KLHL1: variants seen among roughly 807,000 people sequenced by gnomAD.
KLHL1 encodes kelch-like protein 1.
Under a neutral mutation model 77.7 loss-of-function variants are expected in KLHL1, and 47 were observed. That is an observed-to-expected ratio of 0.60 (90% CI 0.48 to 0.77). The LOEUF is 0.77. Among genes scored for constraint, KLHL1 ranks in the 30% least tolerant of loss-of-function variants. The pLI is 0.00. For synonymous variants in KLHL1, 360 were observed against 325.2 expected (o/e 1.11, Z -1.15); for missense variants, 925 against 910.8 (o/e 1.02, Z -0.20).
In KLHL1 at chr13:70,092,179, T is replaced by C. The variant is rs150056694; in HGVS notation, c.497+15024A>G. On this transcript the variant is annotated intron_variant, in intron 1 of 10. Coordinates refer to ENST00000377844, the MANE Select transcript of KLHL1 (RefSeq NM_020866.3). ...TTGAGCAGAGGACACAACTCCTTGC[T>C]CATGGAAACAGAAATAATGTGTTTG... Among the ~76,000 whole-genome samples, 285 of 152,312 alleles carry C rather than the reference T, an allele frequency of 1.9e-3. 1 individual carries two copies. The highest frequency in any genetic ancestry group is 6.8e-3 in the Middle Eastern group (2 of 294).
At chr13:70,039,540 A>G (rs761526378) in intron 1 of KLHL1, among the ~76,000 whole-genome samples, 3 of 152,004 alleles carry the variant, frequency 2.0e-5, no homozygotes, top group African/African-American at 7.2e-5. Flanking sequence ...AATCTTTTTC[A>G]AACGGCAAAA....
rs1364195236 is a variant in KLHL1, at chr13:69,701,762, C to A, written c.2188-1G>T. 1 of 1,602,822 alleles carries A rather than the reference C, an allele frequency of 6.2e-7. No individual in the cohort carries two copies. ...CTCTCCCAATATTCAAGGAAGCCAT[C>A]TGTTAAAAAAGATGAAACACAACTT... On this transcript the variant is annotated splice_acceptor_variant, in intron 10 of 10. Coordinates refer to ENST00000377844, the MANE Select transcript of KLHL1 (RefSeq NM_020866.3). LOFTEE classifies it high-confidence loss of function.
At chr13:69,706,496 T>G (rs1327895011) in intron 10 of KLHL1, among the ~76,000 whole-genome samples, 2 of 152,030 alleles carry the variant, frequency 1.3e-5, no homozygotes, top group East Asian at 3.9e-4. Context: ...TTAAAACAAA[T>G]GTACTTTAAT....
chr13:69,974,842 A>T (rs1884496814), intron 2 of KLHL1, among the ~76,000 whole-genome samples: 1 of 152,056 alleles, frequency 6.6e-6, no homozygotes, highest in Admixed American at 6.6e-5. Flanking sequence ...AATGACTGTG[A>T]ATTCTCTTGC....
intron 7 of KLHL1, among the ~76,000 whole-genome samples, chr13:69,789,015 G>T (rs997364341): frequency 7.3e-6 from 1 of 136,382 alleles, no homozygotes; most frequent in Admixed American, 8.0e-5. Context: ...GACTCCACAG[G>T]ACTCTATCTA....
chr13:70,070,036 C>T (rs539937897), intron 1 of KLHL1, among the ~76,000 whole-genome samples: 3 of 151,470 alleles, frequency 2.0e-5, no homozygotes, highest in East Asian at 3.9e-4. Flanking sequence ...GGTGTGGTGG[C>T]GGGCACCTGT....
Position 69,806,780 on chromosome 13 carries a change from A to T in KLHL1, c.1415-9818T>A, listed in dbSNP as rs182374677. ...CTCAGAGGCATTTGAGCCTGGAGTA[A>T]CCTCAGTGGGAAGCCATTTTGAGAG... is the stretch of plus-strand genomic sequence containing the variant. On this transcript the variant is annotated intron_variant, in intron 6 of 10. Transcript: ENST00000377844. Among the ~76,000 whole-genome samples, 640 of 152,296 alleles carry T rather than the reference A, an allele frequency of 4.2e-3. 6 individuals are homozygous for T. The highest frequency in any genetic ancestry group is 5.9e-3 in the Non-Finnish European group (399 of 68,020).
chr13:69,880,713 CGAG>C, intron 5 of KLHL1, among the ~76,000 whole-genome samples: 1 of 152,140 alleles, frequency 6.6e-6, no homozygotes, highest in African/African-American at 2.4e-5. Flanking sequence ...GAGTTGGAAA[CGAG>C]GGCATAAAAG....
rs1296644286 is a variant in KLHL1, at chr13:70,046,023, A to G, written c.497+61180T>C. Among the ~76,000 whole-genome samples the G allele has an allele frequency of 2.6e-5, 4 of 151,978 alleles. No homozygotes were observed. In the East Asian group the frequency reaches 5.8e-4, roughly 22 times the overall value. ...GTTGTTTTTTGTAATTTATTTATCT[A>G]CTCTCTTTCTCTAAAATGCGAAGTG... On this transcript the variant is annotated intron_variant, in intron 1 of 10. Coordinates refer to ENST00000377844, the MANE Select transcript of KLHL1 (RefSeq NM_020866.3).
chr13:69,926,179 C>T (rs1882807278), intron 4 of KLHL1, among the ~76,000 whole-genome samples: 1 of 152,164 alleles, frequency 6.6e-6, no homozygotes, highest in South Asian at 2.1e-4. Context: ...TCTCAAACAT[C>T]CTGCAACATG....
chr13:69,907,566 A>G (rs1036413699), intron 4 of KLHL1, among the ~76,000 whole-genome samples: 2 of 152,082 alleles, frequency 1.3e-5, no homozygotes, highest in African/African-American at 4.8e-5. Context: ...ATGGGTAGAG[A>G]TAGACAAGGT....
In KLHL1 at chr13:69,956,035, T is replaced by C. The variant is rs1193844095; in HGVS notation, c.817+5273A>G. ...TATATTTGATATATATTTATATATATTTATATATATTTGATATATATATTT... is the reference window on the plus strand; with the variant it reads ...TATATTTGATATATATTTATATATACTTATATATATTTGATATATATATTT... On this transcript the variant is annotated intron_variant, in intron 3 of 10. Transcript: ENST00000377844. Among the ~76,000 whole-genome samples the C allele has an allele frequency of 2.9e-5, 4 of 137,978 alleles. No individual in the cohort carries two copies. In the East Asian group the frequency reaches 8.0e-4, roughly 28 times the overall value. The allele number at this position is 137,978 out of a possible 152,430, so 90.5% of individuals were successfully genotyped here. A position where few individuals can be genotyped will look rare whatever the true frequency, so the allele number is the denominator to read the frequency against.
intron 6 of KLHL1, among the ~76,000 whole-genome samples, chr13:69,818,606 T>A (rs1260276623): frequency 6.6e-6 from 1 of 152,130 alleles, no homozygotes; most frequent in Admixed American, 6.5e-5. Flanking sequence ...TGGGGAAGTA[T>A]GGTTCTCCTC....
At chr13:69,791,334 AT>A (rs202240606) in intron 7 of KLHL1, among the ~76,000 whole-genome samples, 3 of 151,046 alleles carry the variant, frequency 2.0e-5, no homozygotes, top group African/African-American at 7.3e-5. Context: ...TGGAAGATTT[AT>A]TTTTTTTTAC....
intron 4 of KLHL1, among the ~76,000 whole-genome samples, chr13:69,938,695 A>G (rs887782013): frequency 5.9e-5 from 9 of 152,106 alleles, no homozygotes; most frequent in African/African-American, 2.2e-4. Context: ...TTGATTTGCT[A>G]TGGTTCACAT....
chr13:69,916,072 T>C (rs1882421982), intron 4 of KLHL1, among the ~76,000 whole-genome samples: 1 of 152,054 alleles, frequency 6.6e-6, no homozygotes, highest in African/African-American at 2.4e-5. Flanking sequence ...ATGGCAATCA[T>C]TAAAAAGTCA....
chr13:69,957,201 C>A (rs1883915715), intron 3 of KLHL1, among the ~76,000 whole-genome samples: 1 of 151,660 alleles, frequency 6.6e-6, no homozygotes. Flanking sequence ...GCTCACGAAA[C>A]TGTTTTTAAG....
At chr13:70,027,813 G>A (rs535599678) in intron 1 of KLHL1, among the ~76,000 whole-genome samples, 7 of 152,180 alleles carry the variant, frequency 4.6e-5, no homozygotes, top group South Asian at 4.1e-4. Context: ...TGAACAAGCT[G>A]ACTATAGATA....
intron 1 of KLHL1, among the ~76,000 whole-genome samples, chr13:70,034,007 A>T (rs957385260): frequency 2.6e-5 from 4 of 152,162 alleles, no homozygotes; most frequent in Non-Finnish European, 5.9e-5. Flanking sequence ...GAAATATCCC[A>T]TGACATTCCT....
Sources: gnomAD v4.1 joint callset for allele counts (sites outside exome capture counted in the v4.1 genomes callset) on GRCh38, gnomAD v4.1.1 for gene constraint, MANE v1.5 for transcripts, NCBI Gene and HGNC (gene_info 2026-07-23, HGNC 2026-07-21) for gene names.